Variants in MINAR1 observed in about 807,000 individuals in gnomAD.
MINAR1 encodes membrane integral NOTCH2 associated receptor 1.
Under a neutral mutation model 65.1 loss-of-function variants are expected in MINAR1, and 40 were observed. The ratio of observed to expected loss-of-function variants is 0.61; its 90% confidence interval spans 0.48 to 0.80. The LOEUF (loss-of-function observed/expected upper bound fraction) is 0.80. Ranked by LOEUF, MINAR1 falls within the 30% of genes least tolerant of loss-of-function variation. The pLI is 0.00. For synonymous variants in MINAR1, 482 were observed against 449.1 expected (o/e 1.07, Z -0.93); for missense variants, 1,128 against 1,148.0 (o/e 0.98, Z 0.25).
At chr15:79,423,143 A>G in the MINAR1 span, 1 of 152,256 alleles carries the variant, frequency 6.6e-6, no homozygotes, top group African/African-American at 2.4e-5. Flanking sequence ...TGCAACCATA[A>G]AACATAAGAT....
Position 79,459,280 on chromosome 15 carries a change from G to A in MINAR1, c.2298+835G>A, listed in dbSNP as rs544424004. On this transcript the variant is annotated intron_variant, in intron 2 of 3. Transcript: ENST00000305428. ...CCTTTTTAGTTTTTTTCTCTACACT[G>A]TTGTTCGTTGGAGGCTCTTTCACGT... Among the ~76,000 whole-genome samples the A allele has an allele frequency of 9.8e-4, 149 of 152,284 alleles. 1 individual carries two copies. The Middle Eastern group carries it at 0.01, about 10-fold the overall frequency.
In MINAR1 at chr15:79,456,380, C is replaced by A. The variant is rs768695362; in HGVS notation, c.233C>A (p.Ser78Ter). ...KMKCTVNNQQ[S>*]KKIMVAADIV... The stretch of plus-strand genomic sequence containing the variant: ...AAATGCACTGTGAATAACCAGCAAT[C>A]AAAGAAAATCATGGTGGCAGCAGAT... Residue 78 changes from serine to a stop codon, truncating the protein, a stop_gained, in exon 2 of 4, where the codon TCA becomes TAA. Transcript: ENST00000305428. LOFTEE classifies it high-confidence loss of function. The A allele has an allele frequency of 6.2e-7, 1 of 1,614,070 alleles. No homozygotes were observed. Among genetic ancestry groups the A allele is most frequent in the Non-Finnish European group, 8.5e-7 (1 of 1,180,052 alleles).
At chr15:79,421,532 G>A in the MINAR1 span, 2 of 152,244 alleles carry the variant, frequency 1.3e-5, no homozygotes, top group African/African-American at 4.8e-5. Context: ...GATCTCTCTA[G>A]ACACAGCAGT....
At chr15:79,418,467 T>C in the MINAR1 span, 2 of 152,220 alleles carry the variant, frequency 1.3e-5, no homozygotes, top group African/African-American at 2.4e-5. Flanking sequence ...ACAAACTCCA[T>C]AGAAATGATA....
At chr15:79,440,402 ACTCGAAGAACTGCC>A (rs1351382885) in intron 1 of MINAR1, among the ~76,000 whole-genome samples, 1 of 152,076 alleles carries the variant, frequency 6.6e-6, no homozygotes, top group African/African-American at 2.4e-5. Flanking sequence ...ATCCTTAAAT[ACTCGAAGAACTGCC>A]CTTCGAAAGT....
the MINAR1 span, chr15:79,417,388 T>C: frequency 1.3e-5 from 2 of 152,228 alleles, no homozygotes; most frequent in Non-Finnish European, 2.9e-5. Context: ...CCACTAGCGG[T>C]GGGCTTAGAA....
chr15:79,456,070 C>T (rs1412363883), intron 1 of MINAR1, 28 bp from the exon 2 acceptor site: 7 of 1,426,552 alleles, frequency 4.9e-6, no homozygotes, highest in Non-Finnish European at 6.7e-6. Flanking sequence ...CTCTTTTCCT[C>T]CTCTCTTTCT....
At chr15:79,434,634 A>G (rs1894543834) in intron 1 of MINAR1, among the ~76,000 whole-genome samples, 1 of 152,264 alleles carries the variant, frequency 6.6e-6, no homozygotes, top group South Asian at 2.1e-4. Context: ...CAAACTAGCT[A>G]GGAAAAGGTT....
Position 79,456,518 on chromosome 15 carries a change from C to T in MINAR1, c.371C>T (p.Ser124Leu), listed in dbSNP as rs368504484. 5.3e-5 allele frequency: 86 copies of T among 1,613,994 alleles called. 1 individual carries two copies. The Middle Eastern group carries it at 8.2e-4, about 15-fold the overall frequency. The part of the protein sequence containing the change: ...KKEASFESCR[S>L]DTEICNAAEC... ...GAGGCATCCTTTGAATCATGTAGGTCGGACACAGAGATCTGCAATGCAGCT... is the reference window on the plus strand; with the variant it reads ...GAGGCATCCTTTGAATCATGTAGGTTGGACACAGAGATCTGCAATGCAGCT... The change falls in exon 2 of 4, where the codon TCG (serine) becomes TTG (leucine). Residue 124 changes from serine to leucine, a missense_variant. Physicochemically the swap from Ser to Leu is moderately radical, Grantham distance 145. Transcript: ENST00000305428.
Position 79,458,359 on chromosome 15 carries a change from T to C in MINAR1, c.2212T>C (p.Tyr738His), listed in dbSNP as rs767294027. The change falls in exon 2 of 4, where the codon TAT becomes CAT. Residue 738 changes from tyrosine (Y) to histidine (H), a missense_variant. Physicochemically the swap from Tyr to His is moderately conservative, Grantham distance 83. Transcript: ENST00000305428. ...NSPRDWRTIT[Y>H]TNRVGLNEEE... Reference sequence around the variant, plus strand: ...GCCCAGAGACTGGCGCACCATCACTTATACCAACCGTGTGGGCCTCAATGA... The same window carrying C: ...GCCCAGAGACTGGCGCACCATCACTCATACCAACCGTGTGGGCCTCAATGA... The C allele has an allele frequency of 3.7e-6, 6 of 1,614,206 alleles. No individual in the cohort carries two copies. The Admixed American group carries it at 5.0e-5, about 13-fold the overall frequency.
chr15:79,463,546 T>C (rs1477957941), intron 3 of MINAR1: 18 of 660,390 alleles, frequency 2.7e-5, no homozygotes, highest in Non-Finnish European at 4.7e-5. Flanking sequence ...GTAGGAATGC[T>C]TGATTGATTT....
rs1409279954 is a variant in MINAR1, at chr15:79,457,560, C to G, written c.1413C>G (p.Thr471=). 22 of 1,614,014 alleles carry G rather than the reference C, an allele frequency of 1.4e-5. No homozygotes were observed. The highest frequency in any genetic ancestry group is 1.7e-5 in the Non-Finnish European group (20 of 1,180,022). Residue 471 remains threonine (T), a synonymous_variant, in exon 2 of 4, where the codon ACC becomes ACG. Transcript: ENST00000305428. ...NCTSGQLSSD[T]SSVGTQTEHV... ...CCAGTGGGCAGCTCAGCTCAGACAC[C>G]AGTAGCGTGGGCACCCAGACTGAGC...
chr15:79,463,669 A>T, intron 3 of MINAR1: 1 of 511,330 alleles, frequency 2.0e-6, no homozygotes, highest in Non-Finnish European at 3.8e-6. Flanking sequence ...AATGAAATAC[A>T]AGCTGATTTC....
chr15:79,462,927 T>G (rs1895698982), intron 2 of MINAR1, 140 bp from the exon 3 acceptor site: 1 of 836,206 alleles, frequency 1.2e-6, no homozygotes, highest in South Asian at 1.8e-5. Flanking sequence ...ATGGTTATGC[T>G]TTCATACTTT....
intron 1 of MINAR1, among the ~76,000 whole-genome samples, chr15:79,452,726 GTC>G (rs1463667396): frequency 2.5e-5 from 3 of 118,572 alleles, no homozygotes; most frequent in Admixed American, 8.1e-5. Context: ...GTGTGGGTGA[GTC>G]TGTGTGGGTG....
At chr15:79,435,087 C>A (rs1340629778) in intron 1 of MINAR1, among the ~76,000 whole-genome samples, 2 of 152,134 alleles carry the variant, frequency 1.3e-5, no homozygotes, top group Non-Finnish European at 2.9e-5. Context: ...CCAGCCTGAC[C>A]AACATGGAGA....
rs762799505 is a variant in MINAR1, at chr15:79,468,316, C to G, written c.2683C>G (p.Leu895Val). The change falls in exon 4 of 4, where the codon CTG (leucine) becomes GTG (valine). Residue 895 changes from leucine to valine, a missense_variant. Transcript: ENST00000305428. ...AGCCAAGGTCTGCAAGATAGCTGCT[C>G]TGATCGCTGCTGCGGCATGCACCGT... The part of the protein sequence containing the change: ...RRAKVCKIAA[L>V]IAAAACTVIL... 11 of 1,614,000 alleles carry G rather than the reference C, an allele frequency of 6.8e-6. No homozygotes were observed. The African/African-American group carries it at 9.3e-5, about 14-fold the overall frequency.
chr15:79,426,919 G>C, the MINAR1 span: 1 of 152,180 alleles, frequency 6.6e-6, no homozygotes, highest in Non-Finnish European at 1.5e-5. Flanking sequence ...CCATTATTGG[G>C]TATAGACCCA....
In MINAR1 at chr15:79,456,658, C is replaced by T. The variant is rs1342883792; in HGVS notation, c.511C>T (p.Pro171Ser). The T allele has an allele frequency of 1.2e-6, 2 of 1,614,120 alleles. No individual in the cohort carries two copies. The highest frequency in any genetic ancestry group is 2.2e-5 in the South Asian group (2 of 91,078). Reference protein sequence around the residue: ...MDCKDCPQFVPASEPNFLLGV... With the variant: ...MDCKDCPQFVSASEPNFLLGV... ...CTGCAAGGACTGCCCACAGTTTGTC[C>T]CTGCCTCTGAGCCTAACTTCCTGTT... Residue 171 changes from proline (P) to serine (S), a missense_variant, in exon 2 of 4, where the codon CCT becomes TCT. Physicochemically the swap from Pro to Ser is moderately conservative, Grantham distance 74 (BLOSUM62 -1). Coordinates refer to ENST00000305428, the MANE Select transcript of MINAR1 (RefSeq NM_015206.3).
Sources: gnomAD v4.1 joint callset for allele counts (sites outside exome capture counted in the v4.1 genomes callset) on GRCh38, gnomAD v4.1.1 for gene constraint, MANE v1.5 for transcripts, NCBI Gene and HGNC (gene_info 2026-07-23, HGNC 2026-07-21) for gene names.